RSPH14: variants seen among roughly 807,000 people sequenced by gnomAD.
RSPH14 encodes radial spoke head 14 homolog.
In RSPH14, 20 loss-of-function variants were observed where a neutral mutation model predicts 26.7. The ratio of observed to expected loss-of-function variants is 0.75; its 90% CI spans 0.53 to 1.09. The LOEUF is 1.09. Ranked by LOEUF, RSPH14 falls within the 50% of genes least tolerant of loss-of-function variation. The pLI, the probability that RSPH14 is intolerant of heterozygous loss-of-function variation, is 0.00. For synonymous variants in RSPH14, 177 were observed against 189.3 expected (o/e 0.93, Z 0.53); for missense variants, 449 against 457.2 (o/e 0.98, Z 0.16).
intron 4 of RSPH14, among the ~76,000 whole-genome samples, chr22:23,074,197 C>G (rs1280937660): frequency 6.6e-6 from 1 of 152,084 alleles, no homozygotes; most frequent in East Asian, 1.9e-4. Context: ...AGGAGCTAAT[C>G]TACACTTTGA....
At position 23,064,097 on chromosome 22, in the gene RSPH14, G is replaced by A. The variant is rs1486551489; in HGVS notation, c.458C>T (p.Ser153Leu). Residue 153 changes from serine (S) to leucine (L), a missense_variant, in exon 5 of 7, where the codon TCA becomes TTA. Coordinates refer to ENST00000216036, the MANE Select transcript of RSPH14 (RefSeq NM_014433.3). ...QEIISKGLIS[S>L]LVWKLQVEVE... is the part of the protein sequence containing the mutation. ...CTCCACCTGCAGCTTCCATACCAGT[G>A]AGGAAATCAGACCTTTGCTGATGAT... 6 of 1,614,054 alleles carry A rather than the reference G, an allele frequency of 3.7e-6. No homozygotes were observed. The African/African-American group carries it at 8.0e-5, about 22-fold the overall frequency.
the RSPH14 span, chr22:23,152,672 A>G: frequency 5.2e-4 from 413 of 790,890 alleles, 2 homozygotes; most frequent in Non-Finnish European, 7.1e-4. Flanking sequence ...GAGCCGGATA[A>G]GAGGGGGTGC....
rs200113014 is a variant in RSPH14 at position 23,140,459 on chromosome 22, G to A, written c.-39C>T. 215 of 1,607,448 alleles carry A rather than the reference G, an allele frequency of 1.3e-4. No homozygotes were observed. Among genetic ancestry groups the A allele is most frequent in the Non-Finnish European group, 1.6e-4 (192 of 1,176,648 alleles). ...CAGAGGCCTTTCCAAATGAAGCTCT[G>A]CAGAAACCACTCACTAAAAGAGACC... On this transcript the variant is annotated 5_prime_UTR_variant, in exon 2 of 7. Transcript: ENST00000216036.
At chr22:23,173,319 A>G in the RSPH14 span, among the ~76,000 whole-genome samples, 1 of 152,024 alleles carries the variant, frequency 6.6e-6, no homozygotes, top group African/African-American at 2.4e-5. Context: ...TATTTTTAGC[A>G]GAGATGGGGT....
intron 4 of RSPH14, among the ~76,000 whole-genome samples, chr22:23,076,036 C>T (rs1313892099): frequency 6.6e-6 from 1 of 152,188 alleles, no homozygotes; most frequent in Non-Finnish European, 1.5e-5. Flanking sequence ...TGGTCCCTCT[C>T]ACCCTGGTTG....
At chr22:23,176,293 C>T in the RSPH14 span, among the ~76,000 whole-genome samples, 2 of 152,238 alleles carry the variant, frequency 1.3e-5, no homozygotes, top group African/African-American at 2.4e-5. Flanking sequence ...GCTTGCATGT[C>T]TGCTAGACTT....
chr22:23,113,993 C>T (rs539383408), intron 4 of RSPH14, among the ~76,000 whole-genome samples: 2 of 152,352 alleles, frequency 1.3e-5, no homozygotes, highest in Non-Finnish European at 1.5e-5. Flanking sequence ...CCCCAAGCTT[C>T]CACCACAAAG....
At chr22:23,136,416 T>A in intron 3 of RSPH14, 1 of 596,228 alleles carries the variant, frequency 1.7e-6, no homozygotes, top group Non-Finnish European at 3.1e-6. Context: ...ACATTGGTTA[T>A]AAGATCACCA....
At chr22:23,082,736 C>G (rs2068717441) in intron 4 of RSPH14, among the ~76,000 whole-genome samples, 1 of 151,988 alleles carries the variant, frequency 6.6e-6, no homozygotes, top group South Asian at 2.1e-4. Context: ...GGAGCCCCAG[C>G]CCACCCAAGC....
intron 4 of RSPH14, among the ~76,000 whole-genome samples, chr22:23,066,324 G>A (rs1259933737): frequency 6.6e-6 from 1 of 152,150 alleles, no homozygotes; most frequent in Admixed American, 6.5e-5. Flanking sequence ...GTTGAGGTCA[G>A]AAAAGTCAAC....
At chr22:23,123,051 C>A in intron 4 of RSPH14, 1 of 1,392,670 alleles carries the variant, frequency 7.2e-7, no homozygotes, top group Non-Finnish European at 1.0e-6. Context: ...CTGCCTGCTG[C>A]GGGCCTGATT....
chr22:23,169,774 G>A, the RSPH14 span, among the ~76,000 whole-genome samples: 6 of 152,252 alleles, frequency 3.9e-5, no homozygotes, highest in South Asian at 1.0e-3. Context: ...CAGAGCCATT[G>A]CACCCACCCA....
At chr22:23,131,685 G>A (rs2070362723) in intron 4 of RSPH14, 1 of 1,278,812 alleles carries the variant, frequency 7.8e-7, no homozygotes, top group Non-Finnish European at 1.0e-6. Flanking sequence ...TTCCTGCATG[G>A]TGAGCACAGG....
At chr22:23,130,469 A>AG (rs2070326269) in intron 4 of RSPH14, among the ~76,000 whole-genome samples, 1 of 94,682 alleles carries the variant, frequency 1.1e-5, no homozygotes, top group Non-Finnish European at 2.1e-5. Flanking sequence ...AAAAAAGAAA[A>AG]AGAAAAGAGA....
At chr22:23,123,348 G>A (rs569868909) in intron 4 of RSPH14, 18 of 1,613,950 alleles carry the variant, frequency 1.1e-5, no homozygotes, top group East Asian at 2.2e-5. Flanking sequence ...CTGCGCCACC[G>A]ACACCAGTAA....
intron 4 of RSPH14, among the ~76,000 whole-genome samples, chr22:23,082,889 C>T (rs1408509119): frequency 6.6e-6 from 1 of 152,182 alleles, no homozygotes; most frequent in Non-Finnish European, 1.5e-5. Context: ...GCAGAGTCCA[C>T]AGTGTCTTCC....
At chr22:23,093,581 A>T (rs2069047274) in intron 4 of RSPH14, among the ~76,000 whole-genome samples, 1 of 152,224 alleles carries the variant, frequency 6.6e-6, no homozygotes, top group Non-Finnish European at 1.5e-5. Context: ...ACAGCAGGGC[A>T]GTGACTGCTA....
At chr22:23,077,653 A>G (rs2068543658) in intron 4 of RSPH14, among the ~76,000 whole-genome samples, 1 of 152,272 alleles carries the variant, frequency 6.6e-6, no homozygotes, top group Admixed American at 6.5e-5. Context: ...CATGTAAAGT[A>G]CCAGGCTCTG....
chr22:23,134,121 A>T lies in RSPH14; in HGVS notation c.326T>A (p.Ile109Asn), dbSNP rs745632950. 1.2e-6 allele frequency: 2 copies of T among 1,611,768 alleles called. No homozygotes were observed. The highest frequency in any genetic ancestry group is 3.3e-5 in the Admixed American group (2 of 59,976). Residue 109 changes from isoleucine (I) to asparagine (N), a missense_variant, in exon 4 of 7, where the codon ATC (isoleucine) becomes AAC (asparagine). Transcript: ENST00000216036. ...CAGCAGGAAGGACAGGGCAAGGACG[A>T]TGTCGTGCTCTAGAAAGGCGTATCT... is the stretch of plus-strand genomic sequence containing the variant. ...VGRYAFLEHD[I>N]VLALSFLLND...
Sources: allele counts gnomAD v4.1 joint callset (sites outside exome capture counted in the v4.1 genomes callset), GRCh38; gene constraint gnomAD v4.1.1; transcripts MANE v1.5; gene names NCBI Gene and HGNC (gene_info 2026-07-23, HGNC 2026-07-21).